EXD2: variants seen among roughly 807,000 people sequenced by gnomAD.
EXD2 encodes exonuclease 3'-5' domain-containing protein 2.
In EXD2, 40 loss-of-function variants were observed where a neutral mutation model predicts 62.5. That is an observed-to-expected ratio of 0.64 (90% CI 0.50 to 0.83). The LOEUF (loss-of-function observed/expected upper bound fraction) is 0.83. Among genes scored for constraint, EXD2 ranks in the 40% least tolerant of loss-of-function variants. The probability of loss-of-function intolerance (pLI) is 0.00; values close to 1 mark genes in which losing one functional copy is unlikely to be tolerated. For missense variants in EXD2, 671 were observed against 761.8 expected (o/e 0.88, Z 1.40); for synonymous variants, 239 against 291.9 (o/e 0.82, Z 1.85).
Position 69,241,300 on chromosome 14 carries a change from G to C in EXD2, c.*200G>C. On this transcript the variant is annotated 3_prime_UTR_variant, in exon 10 of 10. Coordinates refer to ENST00000685843, the MANE Select transcript of EXD2 (RefSeq NM_001193360.2). Reference sequence around the variant, plus strand: ...AGTTTATGGTTTTGGATTTTAAACGGGCAGGGTCTTTTTTCCTCTCATTTT... The same window carrying C: ...AGTTTATGGTTTTGGATTTTAAACGCGCAGGGTCTTTTTTCCTCTCATTTT... 1.9e-6 allele frequency: 1 copy of C among 537,702 alleles called. No individual in the cohort carries two copies. The highest frequency in any genetic ancestry group is 3.3e-6 in the Non-Finnish European group (1 of 307,334). 33.3% of individuals were successfully genotyped at this position (537,702 alleles called of 1,614,324 possible).
Position 69,236,080 on chromosome 14 carries a change from G to A in EXD2, c.1084G>A (p.Ala362Thr), listed in dbSNP as rs775193989. The A allele has an allele frequency of 6.2e-7, 1 of 1,614,206 alleles. No individual in the cohort carries two copies. Among genetic ancestry groups the A allele is most frequent in the African/African-American group, 1.3e-5 (1 of 75,052 alleles). ...SPLYDNCFLH[A>T]PDGQPLCTCD... is the part of the protein sequence containing the mutation. ...TCTTTATGATAACTGCTTTCTCCAT[G>A]CTCCTGATGGACAGCCCCTCTGCAC... Residue 362 changes from alanine (A) to threonine (T), a missense_variant, in exon 7 of 10, where the codon GCT becomes ACT. Ala to Thr is a moderately conservative substitution (Grantham distance 58). Coordinates refer to ENST00000685843, the MANE Select transcript of EXD2 (RefSeq NM_001193360.2).
In EXD2 at chr14:69,243,616, G is replaced by C. The variant is rs1594792839; in HGVS notation, c.*2516G>C. 1 of 152,310 alleles carries C rather than the reference G, an allele frequency of 6.6e-6. No homozygotes were observed. The allele number at this position is 152,310 out of a possible 1,614,324, so 9.4% of individuals were successfully genotyped here. A position where few individuals can be genotyped will look rare whatever the true frequency, so the allele number is the denominator to read the frequency against. ...TTATTATCAATGATGATGTGATAAA[G>C]TTTCTTGTATATATCTCTTTGGCTC... On this transcript the variant is annotated 3_prime_UTR_variant, in exon 10 of 10. Transcript: ENST00000685843.
chr14:69,242,317 T>C lies in EXD2; in HGVS notation c.*1217T>C. On this transcript the variant is annotated 3_prime_UTR_variant, in exon 10 of 10. Transcript: ENST00000685843. ...TTTGGAATTGTGCCCAAGTTGGTGA[T>C]GTTTACTCTAAAATTAATAATAAAA... The C allele has an allele frequency of 1.9e-5, 6 of 320,492 alleles. No homozygotes were observed. The highest frequency in any genetic ancestry group is 3.4e-5 in the Non-Finnish European group (6 of 178,778). The allele number at this position is 320,492 out of a possible 1,614,324, so 19.9% of individuals were successfully genotyped here.
chr14:69,225,715 G>A (rs560127746), intron 3 of EXD2, among the ~76,000 whole-genome samples: 1 of 152,266 alleles, frequency 6.6e-6, no homozygotes, highest in South Asian at 2.1e-4. Context: ...TGTTTCCCAT[G>A]AGTAGTGATG....
intron 1 of EXD2, among the ~76,000 whole-genome samples, chr14:69,199,988 G>A (rs777009636): frequency 1.3e-5 from 2 of 152,210 alleles, no homozygotes; most frequent in Non-Finnish European, 2.9e-5. Flanking sequence ...CTGTAGGTTC[G>A]TTAACTCCAG....
chr14:69,231,889 G>C (rs1341387366), intron 5 of EXD2, among the ~76,000 whole-genome samples: 1 of 124,022 alleles, frequency 8.1e-6, no homozygotes, highest in Non-Finnish European at 1.6e-5. Flanking sequence ...ACAGTTTCTT[G>C]AGAAAGGGAG....
Position 69,237,786 on chromosome 14 carries a change from G to A in EXD2, c.1504G>A (p.Val502Met). Residue 502 changes from valine to methionine, a missense_variant, in exon 9 of 10, where the codon GTG becomes ATG. Transcript: ENST00000685843. Reference sequence around the variant, plus strand: ...GCTGGAAGATCCTGAGCGCCGGCAGGTGCGTTCTGGGGCCAGGGCCCTGCT... The same window carrying A: ...GCTGGAAGATCCTGAGCGCCGGCAGATGCGTTCTGGGGCCAGGGCCCTGCT... Reference protein sequence around the residue: ...RLLEDPERRQVRSGARALLNA... With the variant: ...RLLEDPERRQMRSGARALLNA... 1 of 1,613,674 alleles carries A rather than the reference G, an allele frequency of 6.2e-7. No individual in the cohort carries two copies. Among genetic ancestry groups the A allele is most frequent in the Non-Finnish European group, 8.5e-7 (1 of 1,179,882 alleles).
At position 69,241,388 on chromosome 14, in the gene EXD2, G is replaced by A; in HGVS notation, c.*288G>A. The A allele has an allele frequency of 3.0e-6, 1 of 338,620 alleles. No individual in the cohort carries two copies. The highest frequency in any genetic ancestry group is 5.4e-6 in the Non-Finnish European group (1 of 186,030). 21.0% of individuals were successfully genotyped at this position (338,620 alleles called of 1,614,324 possible). A position where few individuals can be genotyped will look rare whatever the true frequency, so the allele number is the denominator to read the frequency against. On this transcript the variant is annotated 3_prime_UTR_variant, in exon 10 of 10. Transcript: ENST00000685843. ...CCCTCTTCTGCTGTCCCTGTGCAGA[G>A]GAAAAATGAAGAATTCTCCCAGAAG...
At chr14:69,213,068 G>A (rs1244467947) in intron 3 of EXD2, among the ~76,000 whole-genome samples, 1 of 145,490 alleles carries the variant, frequency 6.9e-6, no homozygotes, top group Non-Finnish European at 1.5e-5. Flanking sequence ...TTACCTTCCT[G>A]TATTCTTCTT....
intron 2 of EXD2, among the ~76,000 whole-genome samples, chr14:69,208,517 C>G (rs569466159): frequency 1.5e-3 from 225 of 152,306 alleles, no homozygotes; most frequent in African/African-American, 5.2e-3. Flanking sequence ...GCCCAGGCCA[C>G]TTACTATTTA....
chr14:69,218,984 A>G (rs2043078510), intron 3 of EXD2, among the ~76,000 whole-genome samples: 2 of 152,138 alleles, frequency 1.3e-5, no homozygotes, highest in Admixed American at 1.3e-4. Flanking sequence ...TTGTCTTGGC[A>G]ATGCAGGCTG....
At chr14:69,208,237 G>A (rs1210041607) in intron 2 of EXD2, among the ~76,000 whole-genome samples, 2 of 112,804 alleles carry the variant, frequency 1.8e-5, no homozygotes, top group African/African-American at 3.6e-5. Context: ...TTGAGACGGA[G>A]TCTCACTCTG....
chr14:69,242,585 A>G lies in EXD2; in HGVS notation c.*1485A>G, dbSNP rs913165403. 1 of 152,210 alleles carries G rather than the reference A, an allele frequency of 6.6e-6. No individual in the cohort carries two copies. Among genetic ancestry groups the G allele is most frequent in the African/African-American group, 2.4e-5 (1 of 41,436 alleles). The allele number at this position is 152,210 out of a possible 1,614,324, so 9.4% of individuals were successfully genotyped here. ...CATTCCCACTTGTCTTCAGGCAGGC[A>G]TTTCTGGGATCTAAACTAGAAATCC... On this transcript the variant is annotated 3_prime_UTR_variant, in exon 10 of 10. Coordinates refer to ENST00000685843, the MANE Select transcript of EXD2 (RefSeq NM_001193360.2).
intron 3 of EXD2, among the ~76,000 whole-genome samples, chr14:69,216,080 G>A (rs763437829): frequency 5.3e-5 from 8 of 152,110 alleles, no homozygotes; most frequent in African/African-American, 9.7e-5. Flanking sequence ...TAACCTTGGC[G>A]ATTCAGATTT....
chr14:69,209,554 C>G lies in EXD2; in HGVS notation c.84C>G (p.Ile28Met). The change falls in exon 3 of 10, where the codon ATC becomes ATG. Residue 28 changes from isoleucine (I) to methionine (M), a missense_variant. Physicochemically the swap from Ile to Met is conservative, Grantham distance 10 (BLOSUM62 1). Coordinates refer to ENST00000685843, the MANE Select transcript of EXD2 (RefSeq NM_001193360.2). ...AVGGFVLWKGIQRRRRSKTSP... is the reference protein window; with the variant it reads ...AVGGFVLWKGMQRRRRSKTSP... The stretch of plus-strand genomic sequence containing the variant: ...GGGGGTTTGTCCTCTGGAAAGGCAT[C>G]CAGCGCCGCCGAAGGAGTAAAACGA... 1 of 1,550,486 alleles carries G rather than the reference C, an allele frequency of 6.4e-7. No individual in the cohort carries two copies. Among genetic ancestry groups the G allele is most frequent in the Non-Finnish European group, 8.7e-7 (1 of 1,146,976 alleles).
chr14:69,236,530 A>G lies in EXD2; in HGVS notation c.1280A>G (p.Asp427Gly), dbSNP rs2043794280. Residue 427 changes from aspartate (D) to glycine (G), a missense_variant, in exon 8 of 10, where the codon GAC (aspartate) becomes GGC (glycine). Coordinates refer to ENST00000685843, the MANE Select transcript of EXD2 (RefSeq NM_001193360.2). ...CTGTGTGTAGTGTGTGGCAAGAGAG[A>G]CTCCTACATTCGGTGAGTGCAGCAT... ...ENLCVVCGKR[D>G]SYIRKNVIPH... The G allele has an allele frequency of 6.2e-7, 1 of 1,613,850 alleles. No homozygotes were observed.
chr14:69,213,253 G>A (rs1158527798), intron 3 of EXD2, among the ~76,000 whole-genome samples: 1 of 151,578 alleles, frequency 6.6e-6, no homozygotes, highest in Non-Finnish European at 1.5e-5. Flanking sequence ...TTTTCACAGA[G>A]ACAGGATTTT....
intron 7 of EXD2, 105 bp downstream of exon 7, chr14:69,236,257 G>C: frequency 6.7e-7 from 1 of 1,502,166 alleles, no homozygotes; most frequent in Non-Finnish European, 9.2e-7. Context: ...AAGGCAGAGA[G>C]ACCGTGAGAT....
At chr14:69,204,827 GT>G (rs2042532127) in intron 2 of EXD2, among the ~76,000 whole-genome samples, 1 of 152,172 alleles carries the variant, frequency 6.6e-6, no homozygotes, top group South Asian at 2.1e-4. Flanking sequence ...TCATACAAAT[GT>G]TAACATATAA....
Sources: gnomAD v4.1 joint callset for allele counts (sites outside exome capture counted in the v4.1 genomes callset) on GRCh38, gnomAD v4.1.1 for gene constraint, MANE v1.5 for transcripts, NCBI Gene and HGNC (gene_info 2026-07-23, HGNC 2026-07-21) for gene names.